The following RIPOR2 variants were observed in gnomAD, a reference collection of about 807,000 sequenced individuals.
RIPOR2 encodes RHO family interacting cell polarization regulator 2, also known as rho family-interacting cell polarization regulator 2.
A neutral mutation model predicts 114.5 loss-of-function variants in RIPOR2; 39 were observed. That is an observed-to-expected ratio of 0.34 (90% CI 0.26 to 0.44). RIPOR2 has a LOEUF of 0.44. Among genes scored for constraint, RIPOR2 ranks in the 20% least tolerant of loss-of-function variants. RIPOR2 has a pLI of 1.00. For synonymous variants in RIPOR2, 445 were observed against 484.4 expected, an observed-to-expected ratio of 0.92 and a Z score of 1.07; for missense variants, 1,007 against 1,255.1, an observed-to-expected ratio of 0.80 and a Z score of 2.99.
At chr6:24,884,388 G>A (rs1235232419) in intron 1 of RIPOR2, among the ~76,000 whole-genome samples, 3 of 152,200 alleles carry the variant, frequency 2.0e-5, no homozygotes, top group East Asian at 1.9e-4. Flanking sequence ...CAGCCTGGGC[G>A]ACAGAGCGAG....
chr6:24,980,388 C>T (rs549187217), intron 1 of RIPOR2, among the ~76,000 whole-genome samples: 26 of 152,320 alleles, frequency 1.7e-4, no homozygotes, highest in African/African-American at 6.3e-4. Flanking sequence ...GAAATCAAGA[C>T]ACCTGGTCAT....
intron 7 of RIPOR2, among the ~76,000 whole-genome samples, chr6:24,862,064 A>G (rs1160774972): frequency 6.6e-6 from 1 of 151,514 alleles, no homozygotes; most frequent in Non-Finnish European, 1.5e-5. Flanking sequence ...GATAGAGAGA[A>G]GGAGTAACAC....
chr6:24,818,549 A>G lies in RIPOR2; in HGVS notation c.2945T>C (p.Ile982Thr). The change falls in exon 20 of 22, where the codon ATC becomes ACC. Residue 982 changes from isoleucine to threonine, a missense_variant. Coordinates refer to ENST00000643898, the MANE Select transcript of RIPOR2 (RefSeq NM_001286445.3). ...TCCAAGGCTGGGCTTTACCTCAAGG[A>G]TTTTCAGAGCCAGGCAAGCTGCTTT... is the stretch of plus-strand genomic sequence containing the variant. ...LQKAACLALK[I>T]LEATESIKML... 6.5e-7 allele frequency: 1 copy of G among 1,548,792 alleles called. No individual in the cohort carries two copies. Among genetic ancestry groups the G allele is most frequent in the Non-Finnish European group, 8.7e-7 (1 of 1,145,074 alleles).
chr6:24,832,369 G>A lies in RIPOR2; in HGVS notation c.2231C>T (p.Thr744Ile), dbSNP rs1760757707. The A allele has an allele frequency of 6.4e-7, 1 of 1,552,028 alleles. No individual in the cohort carries two copies. The highest frequency in any genetic ancestry group is 2.4e-5 in the East Asian group (1 of 40,922). Residue 744 changes from threonine to isoleucine, a missense_variant, in exon 16 of 22, where the codon ACC becomes ATC. Physicochemically the swap from Thr to Ile is moderately conservative, Grantham distance 89. Coordinates refer to ENST00000643898, the MANE Select transcript of RIPOR2 (RefSeq NM_001286445.3). Reference protein sequence around the residue: ...LVQQIVFSSKTPFVARSLLEK... With the variant: ...LVQQIVFSSKIPFVARSLLEK... ...TAAGAGACTTCTTGCCACAAATGGGGTTTTGCTTGAGAAAACAATTTGCTG... is the reference window on the plus strand; with the variant it reads ...TAAGAGACTTCTTGCCACAAATGGGATTTTGCTTGAGAAAACAATTTGCTG...
intron 1 of RIPOR2, among the ~76,000 whole-genome samples, chr6:24,921,534 C>T (rs1187068149): frequency 6.6e-6 from 1 of 152,090 alleles, no homozygotes; most frequent in Non-Finnish European, 1.5e-5. Flanking sequence ...TCTCCCCAGA[C>T]CTCCATATGT....
chr6:24,977,455 C>T (rs1248535784), intron 1 of RIPOR2, among the ~76,000 whole-genome samples: 1 of 152,038 alleles, frequency 6.6e-6, no homozygotes, highest in Non-Finnish European at 1.5e-5. Flanking sequence ...AGAACACAAG[C>T]CACTTTCAAC....
chr6:24,942,875 C>CATCA (rs1240596255), intron 1 of RIPOR2, among the ~76,000 whole-genome samples: 1 of 152,162 alleles, frequency 6.6e-6, no homozygotes, highest in African/African-American at 2.4e-5. Context: ...CCTGTTCACT[C>CATCA]TGATGGTAGT....
rs538793042 is a variant in RIPOR2 at position 24,874,285 on chromosome 6, A to T, written c.189-486T>A. Among the ~76,000 whole-genome samples the T allele has an allele frequency of 3.3e-5, 5 of 151,950 alleles. No individual in the cohort carries two copies. In the East Asian group the frequency reaches 9.7e-4, roughly 29 times the overall value. On this transcript the variant is annotated intron_variant, in intron 2 of 21. Coordinates refer to ENST00000643898, the MANE Select transcript of RIPOR2 (RefSeq NM_001286445.3). Reference sequence around the variant, plus strand: ...AAGTGCTGGGATAATTTTTTAAAACATTTTTTGTAGAGATGGGGTCTTGCT... The same window carrying T: ...AAGTGCTGGGATAATTTTTTAAAACTTTTTTTGTAGAGATGGGGTCTTGCT...
At chr6:24,897,132 C>G (rs1767959049) in intron 1 of RIPOR2, among the ~76,000 whole-genome samples, 1 of 152,144 alleles carries the variant, frequency 6.6e-6, no homozygotes, top group African/African-American at 2.4e-5. Context: ...GAAGTGAAAA[C>G]ACAGGGAGCA....
chr6:25,042,031 T>C (rs1490281183), upstream of RIPOR2: 1 of 482,098 alleles, frequency 2.1e-6, no homozygotes, highest in South Asian at 3.2e-5. Flanking sequence ...AAAAGAAAAC[T>C]TAACCCCCCC....
At chr6:25,004,809 G>A (rs981150044) in intron 1 of RIPOR2, among the ~76,000 whole-genome samples, 13 of 151,988 alleles carry the variant, frequency 8.6e-5, no homozygotes, top group African/African-American at 3.1e-4. Flanking sequence ...ATGTGTGCAT[G>A]CGCACGTGTG....
At chr6:24,893,687 A>G (rs1309709229) in intron 1 of RIPOR2, among the ~76,000 whole-genome samples, 1 of 152,222 alleles carries the variant, frequency 6.6e-6, no homozygotes, top group Non-Finnish European at 1.5e-5. Flanking sequence ...TCAGGCCAAC[A>G]TCTGTGTAAA....
intron 10 of RIPOR2, 116 bp downstream of exon 10, chr6:24,850,481 T>C: frequency 9.3e-7 from 1 of 1,079,720 alleles, no homozygotes; most frequent in Non-Finnish European, 1.4e-6. Flanking sequence ...AATAGACTTG[T>C]GCAGAAAAGT....
chr6:24,951,626 A>G (rs893411386), intron 1 of RIPOR2, among the ~76,000 whole-genome samples: 3 of 152,126 alleles, frequency 2.0e-5, no homozygotes, highest in African/African-American at 7.2e-5. Flanking sequence ...TCCTGTTTAC[A>G]TGCGCTAAAA....
chr6:25,033,178 C>CGGATACAAAAAGGGTTCAATCTGGG (rs1688935531), intron 1 of RIPOR2, among the ~76,000 whole-genome samples: 1 of 150,112 alleles, frequency 6.7e-6, no homozygotes, highest in Non-Finnish European at 1.5e-5. Context: ...CGGCGCCACA[C>CGGATACAAAAAGGGTTCAATCTGGG]GCCTGGGTGA....
intron 1 of RIPOR2, among the ~76,000 whole-genome samples, chr6:24,931,184 A>C (rs556210723): frequency 6.6e-6 from 1 of 152,362 alleles, no homozygotes; most frequent in African/African-American, 2.4e-5. Context: ...AGATTATACC[A>C]GATTGCATAA....
intron 1 of RIPOR2, among the ~76,000 whole-genome samples, chr6:25,040,610 G>A (rs961933027): frequency 1.5e-4 from 17 of 112,698 alleles, no homozygotes; most frequent in East Asian, 2.7e-4. Flanking sequence ...TTTTTTTTTC[G>A]AGACAGAGTT....
chr6:25,015,808 GAGA>G (rs1257695130), intron 1 of RIPOR2: 1 of 151,530 alleles, frequency 6.6e-6, no homozygotes, highest in African/African-American at 2.4e-5. Flanking sequence ...GAGGGAGGTG[GAGA>G]AGGAGGAGGA....
chr6:24,877,741 C>A (rs920571151), intron 1 of RIPOR2, among the ~76,000 whole-genome samples: 12 of 152,148 alleles, frequency 7.9e-5, no homozygotes, highest in Admixed American at 1.3e-4. Context: ...GGTGAGACCA[C>A]ACTTGGACAG....
Sources: gnomAD v4.1 joint callset for allele counts (sites outside exome capture counted in the v4.1 genomes callset) on GRCh38, gnomAD v4.1.1 for gene constraint, MANE v1.5 for transcripts, NCBI Gene and HGNC (gene_info 2026-07-23, HGNC 2026-07-21) for gene names.